The following ARHGEF12 variants were observed in gnomAD, a reference collection of about 807,000 sequenced individuals.
The protein encoded by ARHGEF12 is Rho guanine nucleotide exchange factor 12, also known as KMT2A/ARHGEF12 fusion protein.
A neutral mutation model predicts 211.2 loss-of-function variants in ARHGEF12; 66 were observed. The observed-to-expected ratio is 0.31, with a 90% CI of 0.26 to 0.38. The LOEUF (loss-of-function observed/expected upper bound fraction) is 0.38. ARHGEF12 is among the 10% of genes least tolerant of loss of function. ARHGEF12 has a pLI of 1.00. For missense variants in ARHGEF12, 1,429 were observed against 1,869.5 expected, an observed-to-expected ratio of 0.76 and a Z score of 4.34; for synonymous variants, 592 against 638.4, an observed-to-expected ratio of 0.93 and a Z score of 1.09.
chr11:120,430,159 A>G (rs1011305638), intron 10 of ARHGEF12, among the ~76,000 whole-genome samples: 6 of 151,962 alleles, frequency 3.9e-5, no homozygotes, highest in Non-Finnish European at 8.8e-5. Flanking sequence ...GCCATCTTAA[A>G]ACAGAATGGC....
intron 1 of ARHGEF12, chr11:120,337,960 A>T: frequency 1.1e-6 from 1 of 947,928 alleles, no homozygotes; most frequent in Non-Finnish European, 1.3e-6. Flanking sequence ...CCGTAAGCAT[A>T]GTGTAAGCGC....
chr11:120,395,408 A>T (rs1944351742), intron 1 of ARHGEF12, among the ~76,000 whole-genome samples: 1 of 152,142 alleles, frequency 6.6e-6, no homozygotes, highest in Non-Finnish European at 1.5e-5. Flanking sequence ...AATGAACCTG[A>T]TGGAATTAGA....
At chr11:120,349,632 C>T (rs1482636052) in intron 1 of ARHGEF12, among the ~76,000 whole-genome samples, 1 of 152,106 alleles carries the variant, frequency 6.6e-6, no homozygotes, top group Non-Finnish European at 1.5e-5. Context: ...ATTTTTTCAT[C>T]TGTAAAAATG....
At position 120,479,272 on chromosome 11, in the gene ARHGEF12, TA is replaced by T. The variant is rs539374821; in HGVS notation, c.3767-685del. Among the ~76,000 whole-genome samples, 408 of 152,260 alleles carry T rather than the reference TA, an allele frequency of 2.7e-3. 2 individuals carry two copies. The highest frequency in any genetic ancestry group is 9.2e-3 in the African/African-American group (383 of 41,548). On this transcript the variant is annotated intron_variant, in intron 37 of 40. Coordinates refer to ENST00000397843, the MANE Select transcript of ARHGEF12 (RefSeq NM_015313.3). ...AGAGACCTAAGTGGAACCTGTTGCC[TA>T]AAGAAACATGACAGACATTAAGCTA...
In ARHGEF12 at chr11:120,481,386, A is replaced by ACC. The variant is rs1469937169; in HGVS notation, c.4364_4365insCC (p.Gln1455HisfsTer57). ...GCTGTGGAATCCACCCACCAGCAGC[A>ACC]ACATTCTCCTCAGAATACTCACTCC... On this transcript the variant is annotated frameshift_variant, in exon 39 of 41. Transcript: ENST00000397843. LOFTEE classifies it high-confidence loss of function. 3.1e-6 allele frequency: 5 copies of ACC among 1,614,170 alleles called. No individual in the cohort carries two copies. In the Admixed American group the frequency reaches 8.3e-5, roughly 27 times the overall value.
intron 1 of ARHGEF12, among the ~76,000 whole-genome samples, chr11:120,341,189 C>T (rs565905508): frequency 7.3e-5 from 11 of 150,874 alleles, no homozygotes; most frequent in Non-Finnish European, 1.5e-4. Flanking sequence ...TCCTGAGTAG[C>T]TGGGATTACA....
At chr11:120,425,848 C>T (rs1478093759) in intron 7 of ARHGEF12, among the ~76,000 whole-genome samples, 1 of 151,336 alleles carries the variant, frequency 6.6e-6, no homozygotes, top group Non-Finnish European at 1.5e-5. Flanking sequence ...TGATCTTCTG[C>T]ATCAGATTAT....
At chr11:120,391,388 T>C (rs1317193927) in intron 1 of ARHGEF12, among the ~76,000 whole-genome samples, 1 of 152,212 alleles carries the variant, frequency 6.6e-6, no homozygotes, top group Admixed American at 6.5e-5. Context: ...ATCACCATCC[T>C]CCACCCTCCC....
intron 5 of ARHGEF12, among the ~76,000 whole-genome samples, chr11:120,421,273 G>T (rs1045354075): frequency 6.6e-5 from 10 of 151,946 alleles, no homozygotes; most frequent in Admixed American, 1.3e-4. Flanking sequence ...CTTCCTTTAT[G>T]TTGGGTGCTA....
At chr11:120,362,091 T>A (rs1316773576) in intron 1 of ARHGEF12, among the ~76,000 whole-genome samples, 2 of 152,218 alleles carry the variant, frequency 1.3e-5, no homozygotes, top group African/African-American at 4.8e-5. Flanking sequence ...AGAAAGAATA[T>A]CATGCTTGAT....
Position 120,440,229 on chromosome 11 carries a change from CTT to C in ARHGEF12, c.1092+13_1092+14del, listed in dbSNP as rs755954062. On this transcript the variant is annotated intron_variant, in intron 13 of 40. Transcript: ENST00000397843. Reference sequence around the variant, plus strand: ...GGTACTGAACATGAACAGGTGATGACTTTTTTCTTTCTAAAAAATAGATTGTT... The same window carrying C: ...GGTACTGAACATGAACAGGTGATGACTTTTCTTTCTAAAAAATAGATTGTT... 1 of 1,596,576 alleles carries C rather than the reference CTT, an allele frequency of 6.3e-7. No individual in the cohort carries two copies. Among genetic ancestry groups the C allele is most frequent in the Non-Finnish European group, 8.5e-7 (1 of 1,169,662 alleles).
At chr11:120,456,400 A>G (rs1403238483) in intron 22 of ARHGEF12, among the ~76,000 whole-genome samples, 1 of 152,208 alleles carries the variant, frequency 6.6e-6, no homozygotes, top group South Asian at 2.1e-4. Flanking sequence ...CCCAGCTAGT[A>G]ATAATGATAA....
chr11:120,435,545 C>T (rs1055724970), intron 11 of ARHGEF12, among the ~76,000 whole-genome samples: 31 of 131,036 alleles, frequency 2.4e-4, no homozygotes, highest in African/African-American at 5.8e-4. Flanking sequence ...GATGGAGTCT[C>T]GCTCTGTTGC....
intron 6 of ARHGEF12, 118 bp downstream of exon 6, chr11:120,421,970 G>A: frequency 1.4e-6 from 1 of 709,994 alleles, no homozygotes; most frequent in South Asian, 2.0e-5. Context: ...ATGTATGATA[G>A]ATCTGTTGAC....
chr11:120,424,114 T>C (rs1054645422), intron 6 of ARHGEF12, among the ~76,000 whole-genome samples: 13 of 152,202 alleles, frequency 8.5e-5, no homozygotes, highest in Non-Finnish European at 1.9e-4. Context: ...TCATTTGTCA[T>C]GGTGAATAAG....
chr11:120,407,452 G>A (rs565123715), intron 2 of ARHGEF12, among the ~76,000 whole-genome samples: 29 of 152,144 alleles, frequency 1.9e-4, no homozygotes, highest in African/African-American at 6.7e-4. Context: ...TGATAGTATT[G>A]ACCTGTGAAA....
intron 1 of ARHGEF12, among the ~76,000 whole-genome samples, chr11:120,339,228 C>CT (rs908689716): frequency 5.3e-5 from 8 of 150,816 alleles, no homozygotes; most frequent in Admixed American, 3.3e-4. Context: ...TTACTAGGGT[C>CT]TTTTTTTATT....
intron 1 of ARHGEF12, among the ~76,000 whole-genome samples, chr11:120,404,464 C>T (rs1487683148): frequency 1.3e-5 from 2 of 152,162 alleles, no homozygotes; most frequent in African/African-American, 2.4e-5. Flanking sequence ...TTATTTGAGA[C>T]GTTCTTAATC....
intron 39 of ARHGEF12, among the ~76,000 whole-genome samples, chr11:120,484,111 T>C (rs1591652095): frequency 6.6e-6 from 1 of 152,232 alleles, no homozygotes; most frequent in South Asian, 2.1e-4. Flanking sequence ...CTTTATGTGC[T>C]GCATGACTAT....
Sources: gnomAD v4.1 joint callset for allele counts (sites outside exome capture counted in the v4.1 genomes callset) on GRCh38, gnomAD v4.1.1 for gene constraint, MANE v1.5 for transcripts, NCBI Gene and HGNC (gene_info 2026-07-23, HGNC 2026-07-21) for gene names.